The following CSTF3 variants were observed in gnomAD, a reference collection of about 807,000 sequenced individuals.
CSTF3 encodes cleavage stimulation factor subunit 3, also known as CF-1 77 kDa subunit.
In CSTF3, 29 loss-of-function variants were observed where a neutral mutation model predicts 105.8. The observed-to-expected ratio is 0.27, with a 90% confidence interval of 0.20 to 0.37. CSTF3 has a LOEUF of 0.37. Ranked by LOEUF, CSTF3 falls within the 10% of genes least tolerant of loss-of-function variation. The probability of loss-of-function intolerance (pLI) is 1.00; values close to 1 mark genes in which losing one functional copy is unlikely to be tolerated. For synonymous variants in CSTF3, 252 were observed against 281.9 expected, an observed-to-expected ratio of 0.89 and a Z score of 1.06; for missense variants, 357 against 879.3, an observed-to-expected ratio of 0.41 and a Z score of 7.51.
At chr11:33,110,724 AATAATAG>A (rs1454586880) in intron 3 of CSTF3, among the ~76,000 whole-genome samples, 1 of 152,200 alleles carries the variant, frequency 6.6e-6, no homozygotes, top group African/African-American at 2.4e-5. Flanking sequence ...GACAAATTAA[AATAATAG>A]ATATTACTTA....
chr11:33,134,515 A>T (rs779084749), intron 3 of CSTF3: 1 of 152,322 alleles, frequency 6.6e-6, no homozygotes, highest in Admixed American at 6.5e-5. Context: ...TTTTGCTGAC[A>T]ATCTTCCCTC....
intron 1 of CSTF3, among the ~76,000 whole-genome samples, chr11:33,152,732 G>C (rs1019963845): frequency 5.3e-5 from 8 of 152,096 alleles, no homozygotes; most frequent in Non-Finnish European, 8.8e-5. Context: ...AGGCCGAGGT[G>C]GGCGGATCAC....
intron 3 of CSTF3, among the ~76,000 whole-genome samples, chr11:33,135,949 A>C (rs757133906): frequency 1.3e-4 from 20 of 152,098 alleles, no homozygotes; most frequent in Non-Finnish European, 2.6e-4. Context: ...CAGCTTTGGG[A>C]TCTTGTTATC....
At chr11:33,114,648 C>T (rs1312183935) in intron 3 of CSTF3, among the ~76,000 whole-genome samples, 3 of 151,882 alleles carry the variant, frequency 2.0e-5, no homozygotes, top group Admixed American at 6.6e-5. Flanking sequence ...GTCCGGAGTT[C>T]GAGACCAGCC....
chr11:33,112,586 T>C (rs1855390707), intron 3 of CSTF3, among the ~76,000 whole-genome samples: 1 of 152,142 alleles, frequency 6.6e-6, no homozygotes, highest in South Asian at 2.1e-4. Flanking sequence ...ATTGGCCCAT[T>C]TGATGCAGAG....
intron 3 of CSTF3, 110 bp downstream of exon 3, chr11:33,141,557 G>A (rs545903252): frequency 7.0e-5 from 99 of 1,419,378 alleles, no homozygotes; most frequent in African/African-American, 2.1e-4. Context: ...ATAAAGGTAA[G>A]ACACATTTAA....
chr11:33,120,204 A>T (rs1855472942), intron 3 of CSTF3, among the ~76,000 whole-genome samples: 1 of 151,744 alleles, frequency 6.6e-6, no homozygotes, highest in Admixed American at 6.6e-5. Flanking sequence ...TGTATCTAGG[A>T]TGTACTACTG....
chr11:33,128,076 G>A (rs3117542), intron 3 of CSTF3, among the ~76,000 whole-genome samples: 84,522 of 151,996 alleles, frequency 0.56, 26,100 homozygotes, highest in Non-Finnish European at 0.69. Context: ...CTAGACGCTG[G>A]CAATGTGGTA....
At chr11:33,093,370 G>A (rs547185853) in intron 15 of CSTF3, among the ~76,000 whole-genome samples, 1 of 152,196 alleles carries the variant, frequency 6.6e-6, no homozygotes, top group South Asian at 2.1e-4. Context: ...GCCTGCCTAT[G>A]TGTTGTGCTC....
intron 18 of CSTF3, 92 bp from the exon 19 acceptor site, chr11:33,086,081 G>A (rs1855102342): frequency 2.5e-6 from 2 of 809,930 alleles, no homozygotes; most frequent in Non-Finnish European, 3.7e-6. Context: ...GATCTTCCAT[G>A]TCTGCTGCTT....
chr11:33,149,968 G>A (rs1332337870), intron 1 of CSTF3, among the ~76,000 whole-genome samples: 9 of 151,508 alleles, frequency 5.9e-5, no homozygotes, highest in Admixed American at 1.3e-4. Context: ...GCAGTGAGCC[G>A]AGATCATGCC....
At chr11:33,145,088 AC>A (rs1006687156) in intron 1 of CSTF3, 3 of 152,520 alleles carry the variant, frequency 2.0e-5, no homozygotes, top group African/African-American at 7.2e-5. Flanking sequence ...CCAACACATG[AC>A]AAAAATACTA....
intron 3 of CSTF3, among the ~76,000 whole-genome samples, chr11:33,126,842 G>A (rs1855547922): frequency 6.6e-6 from 1 of 152,092 alleles, no homozygotes. Context: ...ATACAAAAGA[G>A]ACAAACTATA....
intron 1 of CSTF3, among the ~76,000 whole-genome samples, chr11:33,156,283 A>C (rs1158930909): frequency 1.3e-5 from 2 of 152,134 alleles, no homozygotes; most frequent in East Asian, 3.8e-4. Flanking sequence ...CACATTGTCC[A>C]ACACACATAG....
rs766295953 is a variant in CSTF3 at position 33,103,196 on chromosome 11, CAA to C, written c.586-14_586-13del. The C allele has an allele frequency of 1.5e-6, 2 of 1,332,808 alleles. No individual in the cohort carries two copies. Among genetic ancestry groups the C allele is most frequent in the Non-Finnish European group, 2.1e-6 (2 of 963,646 alleles). 82.6% of individuals were successfully genotyped at this position (1,332,808 alleles called of 1,614,324 possible). On this transcript the variant is annotated splice_polypyrimidine_tract_variant and intron_variant, in intron 8 of 20. Transcript: ENST00000323959. ...TGAATATTGATACCCTAGAAAAAAA[CAA>C]AAATATTTTAAAATTAAGTATAGTT...
intron 9 of CSTF3, 43 bp from the exon 10 acceptor site, chr11:33,102,382 A>G: frequency 6.3e-7 from 1 of 1,599,696 alleles, no homozygotes; most frequent in Non-Finnish European, 8.6e-7. Flanking sequence ...GCCAGGAACA[A>G]CTGAGATATA....
At chr11:33,095,235 G>A (rs1264594330) in intron 15 of CSTF3, among the ~76,000 whole-genome samples, 1 of 152,066 alleles carries the variant, frequency 6.6e-6, no homozygotes, top group African/African-American at 2.4e-5. Context: ...TAGAGACAGG[G>A]TCTTGCTCTG....
intron 3 of CSTF3, 36 bp from the exon 4 acceptor site, chr11:33,108,454 T>C: frequency 7.2e-7 from 1 of 1,392,810 alleles, no homozygotes; most frequent in Middle Eastern, 1.9e-4. Flanking sequence ...ATTAATACTA[T>C]TTTTTTAGAG....
chr11:33,085,688 C>G lies in CSTF3; in HGVS notation c.1951+25G>C, dbSNP rs755385335. 7 of 1,585,984 alleles carry G rather than the reference C, an allele frequency of 4.4e-6. No homozygotes were observed. In the Admixed American group the frequency reaches 1.2e-4, roughly 26 times the overall value. On this transcript the variant is annotated intron_variant, in intron 20 of 20. Coordinates refer to ENST00000323959, the MANE Select transcript of CSTF3 (RefSeq NM_001326.3). ...TGAGACAACAACGTGGAATGACACTCTGAAATGGAGCTTCTGTTACTTACT... is the reference window on the plus strand; with the variant it reads ...TGAGACAACAACGTGGAATGACACTGTGAAATGGAGCTTCTGTTACTTACT...
Sources: gnomAD v4.1 joint callset for allele counts (sites outside exome capture counted in the v4.1 genomes callset) on GRCh38, gnomAD v4.1.1 for gene constraint, MANE v1.5 for transcripts, NCBI Gene and HGNC (gene_info 2026-07-23, HGNC 2026-07-21) for gene names.